GRAP2: variants seen among roughly 807,000 people sequenced by gnomAD.
GRAP2 encodes the protein GRB2 related adaptor protein 2.
In GRAP2, 31 loss-of-function variants were observed where a neutral mutation model predicts 43.5. That is an observed-to-expected ratio of 0.71 (90% confidence interval 0.54 to 0.96). GRAP2 has a LOEUF of 0.96. Among genes scored for constraint, GRAP2 ranks in the 40% least tolerant of loss-of-function variants. The pLI, the probability that GRAP2 is intolerant of heterozygous loss-of-function variation, is 0.00. For synonymous variants in GRAP2, 156 were observed against 164.8 expected, an observed-to-expected ratio of 0.95 and a Z score of 0.41; for missense variants, 371 against 424.4, an observed-to-expected ratio of 0.87 and a Z score of 1.11.
rs1376493057 is a variant in GRAP2, at chr22:39,915,151, T to C, written c.-15+13821T>C. On this transcript the variant is annotated intron_variant, in intron 1 of 7. Transcript: ENST00000344138. The stretch of plus-strand genomic sequence containing the variant: ...CTGCAGTGAGCCAAGATCACACCAC[T>C]ACACTCCAGCCTGGGCGACAGAGTC... 2.4e-5 allele frequency among the ~76,000 whole-genome samples: 3 copies of C among 123,250 alleles called. No homozygotes were observed. In the Admixed American group the frequency reaches 3.2e-4, roughly 13 times the overall value. The allele number at this position is 123,250 out of a possible 152,430, so 80.9% of individuals were successfully genotyped here.
At chr22:39,919,629 C>T (rs1383900219) in intron 1 of GRAP2, among the ~76,000 whole-genome samples, 3 of 152,154 alleles carry the variant, frequency 2.0e-5, no homozygotes, top group East Asian at 3.8e-4. Flanking sequence ...TTAAATCTAA[C>T]ACCCAGTTTT....
At chr22:39,911,857 C>G (rs1463500458) in intron 1 of GRAP2, among the ~76,000 whole-genome samples, 1 of 152,186 alleles carries the variant, frequency 6.6e-6, no homozygotes, top group South Asian at 2.1e-4. Flanking sequence ...GGATCTCAGA[C>G]CCTGCCTCAA....
At chr22:39,964,795 G>C in intron 4 of GRAP2, 1 of 384,444 alleles carries the variant, frequency 2.6e-6, no homozygotes, top group Non-Finnish European at 4.6e-6. Context: ...CCATAACTGT[G>C]AATTTAAAGT....
In GRAP2 at chr22:39,970,600, G is replaced by A. The variant is rs117013056; in HGVS notation, c.814-305G>A. On this transcript the variant is annotated intron_variant, in intron 7 of 7. Transcript: ENST00000344138. ...GTGCGTTCTGGGAACTTCTTGCTCA[G>A]GCCTGTGCATAGGTATCTGATTTAA... is the stretch of plus-strand genomic sequence containing the variant. Among the ~76,000 whole-genome samples the A allele has an allele frequency of 1.5e-4, 23 of 152,264 alleles. No homozygotes were observed. In the East Asian group the frequency reaches 3.1e-3, roughly 20 times the overall value.
At chr22:39,893,948 A>G in the GRAP2 span, 1 of 151,822 alleles carries the variant, frequency 6.6e-6, no homozygotes, top group Non-Finnish European at 1.5e-5. Context: ...TCCTCCTTTC[A>G]AAGAATAAAT....
Position 39,971,848 on chromosome 22 carries a change from G to A in GRAP2, c.*764G>A, listed in dbSNP as rs889219553. Reference sequence around the variant, plus strand: ...ACTCAGTGGAACCTCTGTTTCCCCAGCTATGAAGGAAATAGCATCCTACAT... The same window carrying A: ...ACTCAGTGGAACCTCTGTTTCCCCAACTATGAAGGAAATAGCATCCTACAT... On this transcript the variant is annotated 3_prime_UTR_variant, in exon 8 of 8. Transcript: ENST00000344138. 1.3e-5 allele frequency: 2 copies of A among 152,206 alleles called. No homozygotes were observed. Among genetic ancestry groups the A allele is most frequent in the Admixed American group, 1.3e-4 (2 of 15,284 alleles). The allele number at this position is 152,206 out of a possible 1,614,324, so 9.4% of individuals were successfully genotyped here.
intron 4 of GRAP2, among the ~76,000 whole-genome samples, chr22:39,961,272 A>G (rs2067116997): frequency 6.6e-6 from 1 of 152,066 alleles, no homozygotes; most frequent in South Asian, 2.1e-4. Flanking sequence ...TCTAATTTCT[A>G]TGACTCACTC....
intron 4 of GRAP2, 26 bp downstream of exon 4, chr22:39,960,200 T>C (rs373072643): frequency 8.7e-6 from 14 of 1,609,552 alleles, no homozygotes; most frequent in Non-Finnish European, 1.2e-5. Context: ...GACACTGCCT[T>C]GGCCCTTCTC....
chr22:39,948,966 G>T (rs946310202), intron 2 of GRAP2, among the ~76,000 whole-genome samples: 1 of 152,048 alleles, frequency 6.6e-6, no homozygotes, highest in African/African-American at 2.4e-5. Flanking sequence ...CTCACTCTGA[G>T]CCACCTCATC....
rs762990041 is a variant in GRAP2, at chr22:39,955,923, A to T, written c.170+13A>T. The T allele has an allele frequency of 1.6e-6, 2 of 1,215,704 alleles. No individual in the cohort carries two copies. The highest frequency in any genetic ancestry group is 2.5e-6 in the Non-Finnish European group (2 of 815,918). 75.3% of individuals were successfully genotyped at this position (1,215,704 alleles called of 1,614,324 possible). On this transcript the variant is annotated intron_variant, in intron 3 of 7. Coordinates refer to ENST00000344138, the MANE Select transcript of GRAP2 (RefSeq NM_004810.4). ...TCCAGTTTCCCAAGTAAGTATCTGCAGCCTGCTGAGATGGGCCTAGCCACA... is the reference window on the plus strand; with the variant it reads ...TCCAGTTTCCCAAGTAAGTATCTGCTGCCTGCTGAGATGGGCCTAGCCACA...
Position 39,947,135 on chromosome 22 carries a change from C to G in GRAP2, c.29C>G (p.Thr10Ser), listed in dbSNP as rs758775230. 1.9e-6 allele frequency: 3 copies of G among 1,608,638 alleles called. No homozygotes were observed. The highest frequency in any genetic ancestry group is 1.7e-5 in the Admixed American group (1 of 60,012). ...GAAGCTGTTGCCAAGTTTGATTTCA[C>G]TGCTTCAGGTGAGGATGAACTGAGC... MEAVAKFDFTASGEDELSFH... is the reference protein window; with the variant it reads MEAVAKFDFSASGEDELSFH... The change falls in exon 2 of 8, where the codon ACT becomes AGT. Residue 10 changes from threonine (T) to serine (S), a missense_variant. Transcript: ENST00000344138.
chr22:39,947,973 C>T (rs943616332), intron 2 of GRAP2: 1 of 152,192 alleles, frequency 6.6e-6, no homozygotes, highest in African/African-American at 2.4e-5. Context: ...ATAGCCTGAT[C>T]CCTGGTCCTC....
chr22:39,926,802 G>C, intron 1 of GRAP2: 10 of 984,622 alleles, frequency 1.0e-5, no homozygotes, highest in Non-Finnish European at 1.2e-5. Flanking sequence ...AAACAATTCT[G>C]GAACCCTGAT....
intron 2 of GRAP2, chr22:39,947,868 TTTTG>T (rs1158101486): frequency 6.6e-6 from 1 of 152,422 alleles, no homozygotes; most frequent in African/African-American, 2.4e-5. Context: ...TTTTGTTTTG[TTTTG>T]TTTGTTTGCA....
At chr22:39,917,167 T>C (rs1171464595) in intron 1 of GRAP2, among the ~76,000 whole-genome samples, 2 of 152,202 alleles carry the variant, frequency 1.3e-5, no homozygotes, top group Admixed American at 1.3e-4. Flanking sequence ...TGATACACAA[T>C]TATTTGAGGG....
intron 1 of GRAP2, among the ~76,000 whole-genome samples, chr22:39,914,441 C>T (rs1401875334): frequency 6.6e-6 from 1 of 151,244 alleles, no homozygotes; most frequent in East Asian, 2.0e-4. Context: ...AGGATAAATG[C>T]ATTTGTTCAG....
At chr22:39,901,352 G>A in intron 1 of GRAP2, 22 bp downstream of exon 1, 1 of 829,960 alleles carries the variant, frequency 1.2e-6, no homozygotes, top group Non-Finnish European at 1.8e-6. Flanking sequence ...TACAACATCT[G>A]TACATATACT....
At chr22:39,958,630 T>G (rs2067083603) in intron 3 of GRAP2, among the ~76,000 whole-genome samples, 1 of 152,236 alleles carries the variant, frequency 6.6e-6, no homozygotes, top group African/African-American at 2.4e-5. Context: ...TGTGTGGTGA[T>G]TTTTACAAAT....
At chr22:39,968,580 A>C in intron 6 of GRAP2, 1 of 448,328 alleles carries the variant, frequency 2.2e-6, no homozygotes, top group Non-Finnish European at 3.9e-6. Flanking sequence ...ACAATTCCAA[A>C]TCTATTCATG....
Sources: allele counts gnomAD v4.1 joint callset (sites outside exome capture counted in the v4.1 genomes callset), GRCh38; gene constraint gnomAD v4.1.1; transcripts MANE v1.5; gene names NCBI Gene and HGNC (gene_info 2026-07-23, HGNC 2026-07-21).